The following CUBN variants were observed in gnomAD, a reference collection of about 807,000 sequenced individuals.
CUBN encodes 460 kDa receptor.
A neutral mutation model predicts 405.3 loss-of-function variants in CUBN; 282 were observed. The ratio of observed to expected loss-of-function variants is 0.70; its 90% confidence interval spans 0.63 to 0.77. CUBN has a LOEUF of 0.77. CUBN is among the 30% of genes least tolerant of loss of function. The pLI, the probability that CUBN is intolerant of heterozygous loss-of-function variation, is 0.00. For synonymous variants in CUBN, 1,684 were observed against 1,617.0 expected (o/e 1.04, Z -0.99); for missense variants, 4,514 against 4,475.2 (o/e 1.01, Z -0.25).
intron 50 of CUBN, among the ~76,000 whole-genome samples, chr10:16,905,875 G>C (rs1841539965): frequency 1.3e-5 from 2 of 152,296 alleles, no homozygotes; most frequent in South Asian, 4.1e-4. Context: ...CACTTTGGGA[G>C]GCCAAAGAGG....
chr10:17,044,227 T>C (rs1390331213), intron 25 of CUBN, among the ~76,000 whole-genome samples: 1 of 146,454 alleles, frequency 6.8e-6, no homozygotes, highest in Non-Finnish European at 1.5e-5. Flanking sequence ...TATATTTGCA[T>C]TAAATACATA....
intron 28 of CUBN, among the ~76,000 whole-genome samples, chr10:16,992,812 G>A (rs554006584): frequency 5.9e-5 from 9 of 152,126 alleles, no homozygotes; most frequent in Non-Finnish European, 1.0e-4. Context: ...TAAAGCCTAC[G>A]AAAAAGCTGT....
intron 63 of CUBN, among the ~76,000 whole-genome samples, 154 bp from the exon 64 acceptor site, chr10:16,835,349 T>G (rs1319975651): frequency 1.3e-5 from 2 of 152,268 alleles, no homozygotes; most frequent in East Asian, 1.9e-4. Context: ...ATTGAGACCC[T>G]GAGCAGTGAA....
At position 17,087,466 on chromosome 10, in the gene CUBN, C is replaced by CTTTTTTTTTTTT. The variant is rs879308596; in HGVS notation, c.1947+697_1947+698insAAAAAAAAAAAA. Among the ~76,000 whole-genome samples, 104 of 79,748 alleles carry CTTTTTTTTTTTT rather than the reference C, an allele frequency of 1.3e-3. 15 individuals are homozygous for CTTTTTTTTTTTT. The highest frequency in any genetic ancestry group is 3.1e-3 in the East Asian group (8 of 2,618). The allele number at this position is 79,748 out of a possible 152,430, so 52.3% of individuals were successfully genotyped here. On this transcript the variant is annotated intron_variant, in intron 15 of 66. Transcript: ENST00000377833. ...GTTCAACACAATCACTATTATTTTT[C>CTTTTTTTTTTTT]TTTTTCTTTTTTTTTTTTTTTTTTT...
intron 59 of CUBN, among the ~76,000 whole-genome samples, chr10:16,852,846 C>A (rs925780134): frequency 2.6e-5 from 4 of 152,134 alleles, no homozygotes; most frequent in African/African-American, 9.7e-5. Context: ...GCCAACAAAT[C>A]TTTTATTTAC....
chr10:17,090,236 T>TG (rs1347986808), intron 14 of CUBN, among the ~76,000 whole-genome samples: 1 of 152,104 alleles, frequency 6.6e-6, no homozygotes, highest in African/African-American at 2.4e-5. Flanking sequence ...ATATATGATG[T>TG]GAAAAAAAGC....
intron 60 of CUBN, among the ~76,000 whole-genome samples, chr10:16,849,753 C>A (rs1248825921): frequency 6.6e-6 from 1 of 152,144 alleles, no homozygotes; most frequent in Non-Finnish European, 1.5e-5. Context: ...GACCTTCTCA[C>A]CTAGGAGGGA....
intron 60 of CUBN, among the ~76,000 whole-genome samples, chr10:16,846,832 A>AAAAAGG (rs1839528588): frequency 2.7e-5 from 4 of 150,364 alleles, no homozygotes; most frequent in Admixed American, 1.3e-4. Flanking sequence ...AAAAGAAAAG[A>AAAAAGG]AAAAGAAAAA....
At chr10:17,027,120 C>T (rs1834688525) in intron 27 of CUBN, among the ~76,000 whole-genome samples, 1 of 152,166 alleles carries the variant, frequency 6.6e-6, no homozygotes, top group South Asian at 2.1e-4. Flanking sequence ...TTTTATTCTG[C>T]TTTCTATATA....
chr10:16,956,168 T>C (rs1843058136), intron 31 of CUBN, among the ~76,000 whole-genome samples: 1 of 152,198 alleles, frequency 6.6e-6, no homozygotes, highest in Non-Finnish European at 1.5e-5. Flanking sequence ...TGGCAGGATA[T>C]TCTCAGTTTG....
At chr10:16,924,065 T>A (rs1168930166) in intron 43 of CUBN, among the ~76,000 whole-genome samples, 6 of 151,726 alleles carry the variant, frequency 4.0e-5, no homozygotes, top group Non-Finnish European at 8.8e-5. Context: ...AGAGACCCTG[T>A]CTCAAGAAAG....
intron 8 of CUBN, among the ~76,000 whole-genome samples, chr10:17,111,569 C>T (rs572292398): frequency 1.3e-5 from 2 of 152,216 alleles, no homozygotes; most frequent in African/African-American, 4.8e-5. Flanking sequence ...CATGTGTACA[C>T]CTGTATACCT....
At chr10:17,027,562 T>C (rs940362484) in intron 27 of CUBN, among the ~76,000 whole-genome samples, 2 of 152,184 alleles carry the variant, frequency 1.3e-5, no homozygotes, top group African/African-American at 4.8e-5. Flanking sequence ...ATAAATTCCT[T>C]TGTGATCTGA....
At chr10:16,869,056 C>A (rs993694018) in intron 59 of CUBN, among the ~76,000 whole-genome samples, 1 of 152,034 alleles carries the variant, frequency 6.6e-6, no homozygotes, top group African/African-American at 2.4e-5. Flanking sequence ...TCTTTCCCCT[C>A]TGGGTCCGTT....
intron 22 of CUBN, among the ~76,000 whole-genome samples, chr10:17,056,048 G>A (rs1039222963): frequency 2.0e-5 from 3 of 152,032 alleles, no homozygotes; most frequent in Non-Finnish European, 4.4e-5. Flanking sequence ...GTAATATAAT[G>A]TTCTATTGTT....
At chr10:16,892,963 A>G (rs1841077243) in intron 54 of CUBN, among the ~76,000 whole-genome samples, 1 of 152,224 alleles carries the variant, frequency 6.6e-6, no homozygotes, top group South Asian at 2.1e-4. Flanking sequence ...GCCTGGGAAC[A>G]TAAGTTTAAT....
At chr10:16,942,546 C>T (rs776388536) in intron 36 of CUBN, among the ~76,000 whole-genome samples, 11 of 151,990 alleles carry the variant, frequency 7.2e-5, no homozygotes, top group African/African-American at 1.2e-4. Context: ...CTACAAACCA[C>T]CAGGAAGACT....
chr10:16,949,434 G>GGT (rs59878960), intron 34 of CUBN, among the ~76,000 whole-genome samples: 4,854 of 108,784 alleles, frequency 0.045, 170 homozygotes, highest in East Asian at 0.19. Context: ...TAAATGGCCT[G>GGT]GTGTGTGTGT....
At chr10:16,901,050 T>G (rs1200301465) in intron 52 of CUBN, among the ~76,000 whole-genome samples, 200 bp from the exon 53 acceptor site, 1 of 152,218 alleles carries the variant, frequency 6.6e-6, no homozygotes, top group Non-Finnish European at 1.5e-5. Context: ...TTCCCTGGTT[T>G]GGGATGGCAA....
Sources: allele counts gnomAD v4.1 joint callset (sites outside exome capture counted in the v4.1 genomes callset), GRCh38; gene constraint gnomAD v4.1.1; transcripts MANE v1.5; gene names NCBI Gene and HGNC (gene_info 2026-07-23, HGNC 2026-07-21).